GPC5: variants seen among roughly 807,000 people sequenced by gnomAD.
GPC5 encodes glypican-5.
In GPC5, 47 loss-of-function variants were observed where a neutral mutation model predicts 53.9. The ratio of observed to expected loss-of-function variants is 0.87; its 90% CI spans 0.69 to 1.11. The LOEUF is 1.11. Ranked by LOEUF, GPC5 falls within the 50% of genes most tolerant of loss-of-function variation. The pLI, the probability that GPC5 is intolerant of heterozygous loss-of-function variation, is 0.00. For synonymous variants in GPC5, 286 were observed against 263.3 expected, an observed-to-expected ratio of 1.09 and a Z score of -0.84; for missense variants, 748 against 713.1, an observed-to-expected ratio of 1.05 and a Z score of -0.56.
At chr13:92,623,848 CTATT>C (rs66684933) in intron 7 of GPC5, among the ~76,000 whole-genome samples, 1 of 149,754 alleles carries the variant, frequency 6.7e-6, no homozygotes, top group East Asian at 2.0e-4. Context: ...CTGATAGTGT[CTATT>C]TATTTATTTA....
intron 6 of GPC5, among the ~76,000 whole-genome samples, chr13:91,928,960 C>T (rs2039795282): frequency 6.6e-6 from 1 of 152,032 alleles, no homozygotes; most frequent in Non-Finnish European, 1.5e-5. Flanking sequence ...TGTTTCTCAT[C>T]ATCAATCTCA....
intron 5 of GPC5, among the ~76,000 whole-genome samples, chr13:91,888,792 TCTCAATAGAGAAGGATTC>T (rs1200726237): frequency 2.0e-5 from 3 of 152,104 alleles, no homozygotes; most frequent in African/African-American, 7.2e-5. Context: ...TTATAATCCT[TCTCAATAGAGAAGGATTC>T]CTCAATAGAG....
At chr13:92,637,348 T>A (rs941607505) in intron 7 of GPC5, among the ~76,000 whole-genome samples, 2 of 152,026 alleles carry the variant, frequency 1.3e-5, no homozygotes, top group Non-Finnish European at 1.5e-5. Context: ...TTTCAGGGGA[T>A]GTACAGATTT....
chr13:92,760,844 G>A (rs1875137674), intron 7 of GPC5, among the ~76,000 whole-genome samples: 1 of 151,548 alleles, frequency 6.6e-6, no homozygotes, highest in African/African-American at 2.4e-5. Flanking sequence ...TTGATTTGTT[G>A]CATTTCTATT....
At chr13:91,724,305 C>T (rs947161063) in intron 3 of GPC5, among the ~76,000 whole-genome samples, 3 of 151,918 alleles carry the variant, frequency 2.0e-5, no homozygotes, top group African/African-American at 7.3e-5. Context: ...ATCTATTAAC[C>T]GCCTCTCTGT....
chr13:92,320,796 G>T (rs1484405252), intron 7 of GPC5, among the ~76,000 whole-genome samples: 2 of 151,966 alleles, frequency 1.3e-5, no homozygotes, highest in Non-Finnish European at 2.9e-5. Context: ...CTTACACGAA[G>T]TTGTTTTCAA....
intron 6 of GPC5, among the ~76,000 whole-genome samples, chr13:92,135,375 CCT>C (rs1417069368): frequency 2.6e-5 from 4 of 152,108 alleles, no homozygotes; most frequent in East Asian, 1.9e-4. Flanking sequence ...TGTTTTCTCC[CCT>C]GTTTCAATTG....
At chr13:91,898,281 A>G (rs769975927) in intron 5 of GPC5, among the ~76,000 whole-genome samples, 4 of 152,230 alleles carry the variant, frequency 2.6e-5, no homozygotes, top group Admixed American at 6.5e-5. Context: ...ATTTTGCTTA[A>G]GAGTTTAGAG....
intron 6 of GPC5, among the ~76,000 whole-genome samples, chr13:92,102,008 C>T (rs1289232572): frequency 6.6e-6 from 1 of 152,126 alleles, no homozygotes; most frequent in African/African-American, 2.4e-5. Flanking sequence ...AATTTGCAAG[C>T]TGAGTATTAA....
intron 7 of GPC5, among the ~76,000 whole-genome samples, chr13:92,457,771 T>G (rs1302717184): frequency 2.0e-5 from 3 of 152,182 alleles, no homozygotes; most frequent in African/African-American, 7.2e-5. Flanking sequence ...CTCTGCTTGC[T>G]CTAATATCTT....
At chr13:92,259,376 GA>G (rs2042749317) in intron 7 of GPC5, among the ~76,000 whole-genome samples, 1 of 152,102 alleles carries the variant, frequency 6.6e-6, no homozygotes. Context: ...TATAAAAAAA[GA>G]CTTAAATTTT....
At chr13:92,246,417 G>A (rs1288994945) in intron 7 of GPC5, among the ~76,000 whole-genome samples, 1 of 152,092 alleles carries the variant, frequency 6.6e-6, no homozygotes, top group Non-Finnish European at 1.5e-5. Flanking sequence ...TGGTAGGAGG[G>A]AGAATCTTAG....
chr13:91,487,943 T>TC (rs57451193), intron 2 of GPC5, among the ~76,000 whole-genome samples: 1 of 151,370 alleles, frequency 6.6e-6, no homozygotes, highest in Admixed American at 6.6e-5. Context: ...TTTTTTTTTT[T>TC]ACGGGGATAC....
At chr13:91,985,571 C>T (rs1309237293) in intron 6 of GPC5, among the ~76,000 whole-genome samples, 1 of 151,534 alleles carries the variant, frequency 6.6e-6, no homozygotes, top group African/African-American at 2.4e-5. Context: ...TGATTTTGTT[C>T]TTTAAAATTG....
At chr13:91,628,073 A>G (rs1238762453) in intron 2 of GPC5, among the ~76,000 whole-genome samples, 2 of 152,116 alleles carry the variant, frequency 1.3e-5, no homozygotes, top group Admixed American at 1.3e-4. Flanking sequence ...GCAAGAGACC[A>G]TATTAATAGA....
At chr13:92,381,483 C>A (rs1415618544) in intron 7 of GPC5, among the ~76,000 whole-genome samples, 4 of 151,846 alleles carry the variant, frequency 2.6e-5, no homozygotes, top group South Asian at 2.1e-4. Context: ...TGGCCATAAT[C>A]AAAAAATCAA....
intron 6 of GPC5, among the ~76,000 whole-genome samples, chr13:92,110,497 T>A (rs2041548591): frequency 6.6e-6 from 1 of 151,110 alleles, no homozygotes; most frequent in Non-Finnish European, 1.5e-5. Context: ...TCCTTTCCAC[T>A]AGAAATGCAT....
chr13:92,461,006 A>G (rs1878457279), intron 7 of GPC5, among the ~76,000 whole-genome samples: 1 of 152,284 alleles, frequency 6.6e-6, no homozygotes, highest in African/African-American at 2.4e-5. Context: ...GGAAAGAAAC[A>G]TTGGGTTTTA....
chr13:92,489,919 A>G (rs960301716), intron 7 of GPC5, among the ~76,000 whole-genome samples: 22 of 152,222 alleles, frequency 1.4e-4, no homozygotes, highest in African/African-American at 5.3e-4. Context: ...ATATAGGGCA[A>G]GTTTCTTGGC....
Sources: allele counts gnomAD v4.1 joint callset (sites outside exome capture counted in the v4.1 genomes callset), GRCh38; gene constraint gnomAD v4.1.1; transcripts MANE v1.5; gene names NCBI Gene and HGNC (gene_info 2026-07-23, HGNC 2026-07-21).